CEACAM21: variants seen among roughly 807,000 people sequenced by gnomAD.
The protein encoded by CEACAM21 is cell adhesion molecule CEACAM21.
In CEACAM21, 38 loss-of-function variants were observed where a neutral mutation model predicts 33.2. The ratio of observed to expected loss-of-function variants is 1.14; its 90% confidence interval spans 0.88 to 1.50. The LOEUF (loss-of-function observed/expected upper bound fraction) is 1.50. Ranked by LOEUF, CEACAM21 falls within the 40% of genes most tolerant of loss-of-function variation. The pLI is 0.00. For synonymous variants in CEACAM21, 156 were observed against 143.0 expected, an observed-to-expected ratio of 1.09 and a Z score of -0.65; for missense variants, 385 against 364.6, an observed-to-expected ratio of 1.06 and a Z score of -0.46.
intron 1 of CEACAM21, chr19:41,555,404 T>C (rs1309738955): frequency 2.6e-5 from 4 of 151,646 alleles, no homozygotes; most frequent in Non-Finnish European, 5.9e-5. Flanking sequence ...GAAAGTCATA[T>C]TTGGAGGCCA....
intron 1 of CEACAM21, among the ~76,000 whole-genome samples, chr19:41,558,824 T>C (rs782813742): frequency 1.3e-5 from 2 of 152,212 alleles, no homozygotes; most frequent in African/African-American, 2.4e-5. Context: ...ACTTAAACGA[T>C]GTATTAAAAT....
At chr19:41,560,695 T>A (rs9304594) in intron 1 of CEACAM21, among the ~76,000 whole-genome samples, 4,211 of 152,342 alleles carry the variant, frequency 0.028, 93 homozygotes, top group Middle Eastern at 0.065. Flanking sequence ...TTCAATGTAA[T>A]TCATAACTTT....
At position 41,580,959 on chromosome 19, in the gene CEACAM21, A is replaced by T. The variant is rs564869760; in HGVS notation, c.700+1331A>T. Among the ~76,000 whole-genome samples the T allele has an allele frequency of 1.1e-3, 171 of 152,332 alleles. 1 individual carries two copies. The highest frequency in any genetic ancestry group is 1.7e-3 in the Non-Finnish European group (116 of 68,026). On this transcript the variant is annotated intron_variant, in intron 3 of 6. Transcript: ENST00000401445. ...AGGGGCTGCCAGTCATCAGTCAATT[A>T]TTAGCTTGAAAAAGACATCACTTTG... is the stretch of plus-strand genomic sequence containing the variant.
At chr19:41,577,073 C>A in intron 1 of CEACAM21, 127 bp from the exon 2 acceptor site, 1 of 1,043,754 alleles carries the variant, frequency 9.6e-7, no homozygotes, top group Non-Finnish European at 1.4e-6. Context: ...TGACTTTGAC[C>A]CAGTAGGACA....
intron 1 of CEACAM21, among the ~76,000 whole-genome samples, chr19:41,549,875 T>A (rs189580799): frequency 0.027 from 4,167 of 152,280 alleles, 102 homozygotes; most frequent in Non-Finnish European, 0.043. Flanking sequence ...AATTCCTTTT[T>A]AAAAATATTT....
At chr19:41,583,666 G>A (rs193155916) in intron 3 of CEACAM21, among the ~76,000 whole-genome samples, 1 of 152,028 alleles carries the variant, frequency 6.6e-6, no homozygotes, top group African/African-American at 2.4e-5. Flanking sequence ...TTCCCTTTAT[G>A]AAACCATCTG....
At chr19:41,583,983 C>T (rs1484473704) in intron 3 of CEACAM21, among the ~76,000 whole-genome samples, 2 of 152,136 alleles carry the variant, frequency 1.3e-5, no homozygotes, top group African/African-American at 2.4e-5. Context: ...CATCCCTGCT[C>T]ATCAGCATTG....
chr19:41,577,731 T>A (rs2043058575), intron 2 of CEACAM21, among the ~76,000 whole-genome samples, 172 bp downstream of exon 2: 1 of 152,164 alleles, frequency 6.6e-6, no homozygotes, highest in Non-Finnish European at 1.5e-5. Context: ...AGATCAGAAT[T>A]CCTTTCCCTT....
chr19:41,558,736 C>A (rs1334337905), intron 1 of CEACAM21, among the ~76,000 whole-genome samples: 2 of 152,124 alleles, frequency 1.3e-5, no homozygotes, highest in African/African-American at 4.8e-5. Context: ...TATGAGAAGG[C>A]AGATCATAAA....
At chr19:41,568,122 G>A (rs552105270) in intron 2 of CEACAM21, among the ~76,000 whole-genome samples, 3 of 152,026 alleles carry the variant, frequency 2.0e-5, no homozygotes, top group African/African-American at 7.2e-5. Context: ...AAACTATACA[G>A]AAACATAATT....
At chr19:41,551,219 G>A (rs1418731220) in intron 1 of CEACAM21, 4 of 142,622 alleles carry the variant, frequency 2.8e-5, no homozygotes, top group Non-Finnish European at 6.0e-5. Context: ...GAGTGTAATG[G>A]TGCGATCTTG....
intron 2 of CEACAM21, among the ~76,000 whole-genome samples, chr19:41,571,131 T>C (rs1856871227): frequency 6.6e-6 from 1 of 152,160 alleles, no homozygotes; most frequent in South Asian, 2.1e-4. Flanking sequence ...ACCAACAATG[T>C]TTCCAGACTT....
Position 41,583,731 on chromosome 19 carries a change from A to G in CEACAM21, c.701-616A>G, listed in dbSNP as rs557228545. Among the ~76,000 whole-genome samples, 81 of 152,294 alleles carry G rather than the reference A, an allele frequency of 5.3e-4. No individual in the cohort carries two copies. In the Middle Eastern group the frequency reaches 0.014, roughly 26 times the overall value. ...AACAGGATGGAAAAAACCCACCCTC[A>G]TGATTCAATTACCTCCCACAAGGTC... On this transcript the variant is annotated intron_variant, in intron 3 of 6. Transcript: ENST00000401445.
At position 41,584,369 on chromosome 19, in the gene CEACAM21, C is replaced by A. The variant is rs1555794430; in HGVS notation, c.723C>A (p.Ile241=). Residue 241 remains isoleucine, a synonymous_variant, in exon 4 of 7, where the codon ATC becomes ATA. Coordinates refer to ENST00000401445, the MANE Select transcript of CEACAM21 (RefSeq NM_001098506.4). ...CAGCAGATGACAACACTCTAGGCAT[C>A]CTGATCGGGGTCCTGGTTGGGAGTC... is the stretch of plus-strand genomic sequence containing the variant. ...TVKSDDNTLG[I]LIGVLVGSLL... 6.2e-7 allele frequency: 1 copy of A among 1,611,744 alleles called. No homozygotes were observed. Among genetic ancestry groups the A allele is most frequent in the Non-Finnish European group, 8.5e-7 (1 of 1,178,818 alleles).
intron 2 of CEACAM21, among the ~76,000 whole-genome samples, chr19:41,578,623 G>C (rs1568609710): frequency 1.3e-5 from 2 of 152,148 alleles, no homozygotes; most frequent in Non-Finnish European, 2.9e-5. Flanking sequence ...AGCTCAGAGA[G>C]GGAGATTCTG....
chr19:41,585,639 C>A, intron 5 of CEACAM21, 144 bp downstream of exon 5: 2 of 1,102,104 alleles, frequency 1.8e-6, no homozygotes, highest in Non-Finnish European at 2.7e-6. Context: ...CAGGAAACCC[C>A]AACTGGCCGG....
chr19:41,577,080 GACACAC>G lies in CEACAM21; in HGVS notation c.65-105_65-100del, dbSNP rs148980547. On this transcript the variant is annotated intron_variant, in intron 1 of 6. Coordinates refer to ENST00000401445, the MANE Select transcript of CEACAM21 (RefSeq NM_001098506.4). ...CATGCTGCTGACTTTGACCCAGTAG[GACACAC>G]ACACACACACACACCCTCTAAGGCT... 90 of 1,033,310 alleles carry G rather than the reference GACACAC, an allele frequency of 8.7e-5. 1 individual carries two copies. In the East Asian group the frequency reaches 1.3e-3, roughly 15 times the overall value. The allele number at this position is 1,033,310 out of a possible 1,614,324, so 64.0% of individuals were successfully genotyped here.
intron 6 of CEACAM21, 60 bp from the exon 7 acceptor site, chr19:41,586,404 G>A (rs2070738697): frequency 3.2e-6 from 2 of 617,956 alleles, no homozygotes; most frequent in East Asian, 4.1e-5. Flanking sequence ...CCCAGAGAGA[G>A]ATGCCAGACC....
chr19:41,579,147 G>T, intron 2 of CEACAM21: 1 of 741,102 alleles, frequency 1.3e-6, no homozygotes, highest in Non-Finnish European at 2.2e-6. Context: ...CTGGTCTGAG[G>T]CAGCTGGGTC....
Sources: gnomAD v4.1 joint callset for allele counts (sites outside exome capture counted in the v4.1 genomes callset) on GRCh38, gnomAD v4.1.1 for gene constraint, MANE v1.5 for transcripts, NCBI Gene and HGNC (gene_info 2026-07-23, HGNC 2026-07-21) for gene names.